The following CDKN2B variants were observed in gnomAD, a reference collection of about 807,000 sequenced individuals.
CDKN2B encodes the protein cyclin-dependent kinase 4 inhibitor B.
A neutral mutation model predicts 7.7 loss-of-function variants in CDKN2B; 8 were observed. That is an observed-to-expected ratio of 1.04 (90% CI 0.61 to 1.87). The LOEUF (loss-of-function observed/expected upper bound fraction) is 1.87, where lower values mean the gene tolerates loss of function less well. CDKN2B is among the 40% of genes most tolerant of loss of function. The probability of loss-of-function intolerance (pLI) is 0.00; values close to 1 mark genes in which losing one functional copy is unlikely to be tolerated. For missense variants in CDKN2B, 244 were observed against 213.1 expected (o/e 1.15, Z -0.90); for synonymous variants, 93 against 95.8 (o/e 0.97, Z 0.17).
rs1164173144 is a variant in CDKN2B at position 22,008,865 on chromosome 9, A to G, written c.89T>C (p.Val30Ala). Residue 30 changes from valine to alanine, a missense_variant, in exon 1 of 2, where the codon GTG becomes GCG. Transcript: ENST00000276925. Reference sequence around the variant, plus strand: ...CGCGCCGGCTTCCAGGAGCTGTCGCACCTTCTCCACTAGTCCCCGCGCCGC... The same window carrying G: ...CGCGCCGGCTTCCAGGAGCTGTCGCGCCTTCTCCACTAGTCCCCGCGCCGC... The part of the protein sequence containing the change: ...SAAARGLVEK[V>A]RQLLEAGADP... The G allele has an allele frequency of 6.2e-7, 1 of 1,611,920 alleles. No individual in the cohort carries two copies. The highest frequency in any genetic ancestry group is 2.2e-5 in the East Asian group (1 of 44,848).
rs148786939 is a variant in CDKN2B at position 22,004,285 on chromosome 9, T to C, written c.*1702A>G. 2.0e-4 allele frequency: 47 copies of C among 232,536 alleles called. 1 individual carries two copies. The East Asian group carries it at 2.9e-3, about 14-fold the overall frequency. 14.4% of individuals were successfully genotyped at this position (232,536 alleles called of 1,614,324 possible). ...GTATTCAACTCAAATGTACTCCTTCTTATAAGTCTCCACTCTCAAATGACT... is the reference window on the plus strand; with the variant it reads ...GTATTCAACTCAAATGTACTCCTTCCTATAAGTCTCCACTCTCAAATGACT... On this transcript the variant is annotated 3_prime_UTR_variant, in exon 2 of 2. Coordinates refer to ENST00000276925, the MANE Select transcript of CDKN2B (RefSeq NM_004936.4).
At chr9:22,008,664 G>T in intron 1 of CDKN2B, 134 bp downstream of exon 1, 1 of 1,605,906 alleles carries the variant, frequency 6.2e-7, no homozygotes, top group South Asian at 1.1e-5. Flanking sequence ...TTTTACGCGT[G>T]GAATGCACAC....
rs1471934314 is a variant in CDKN2B at position 22,004,948 on chromosome 9, C to T, written c.*1039G>A. ...CACTGAGTTTGCAACAGTGCCATTG[C>T]TACATTTAAGAGCTGTAGTTCTTCC... On this transcript the variant is annotated 3_prime_UTR_variant, in exon 2 of 2. Coordinates refer to ENST00000276925, the MANE Select transcript of CDKN2B (RefSeq NM_004936.4). 1.3e-5 allele frequency: 3 copies of T among 233,152 alleles called. No homozygotes were observed. The highest frequency in any genetic ancestry group is 1.2e-4 in the East Asian group (2 of 16,602). 14.4% of individuals were successfully genotyped at this position (233,152 alleles called of 1,614,324 possible).
chr9:22,007,034 A>T (rs1014795652), intron 1 of CDKN2B, among the ~76,000 whole-genome samples: 7 of 152,212 alleles, frequency 4.6e-5, no homozygotes, highest in Non-Finnish European at 1.0e-4. Flanking sequence ...GCTAAGATTT[A>T]AAAATGTTAA....
rs771112476 is a variant in CDKN2B, at chr9:22,008,977, G to A, written c.-24C>T. On this transcript the variant is annotated 5_prime_UTR_variant, in exon 1 of 2. Transcript: ENST00000276925. ...ATTCCGCAGCCCCCAGACGCGCAGCGGCCCGGATAATCCACCGTTGGCCGT... is the reference window on the plus strand; with the variant it reads ...ATTCCGCAGCCCCCAGACGCGCAGCAGCCCGGATAATCCACCGTTGGCCGT... 7 of 1,613,252 alleles carry A rather than the reference G, an allele frequency of 4.3e-6. No individual in the cohort carries two copies. Among genetic ancestry groups the A allele is most frequent in the Middle Eastern group, 3.3e-4 (2 of 6,044 alleles).
chr9:22,008,531 C>T (rs1821306647), intron 1 of CDKN2B: 1 of 809,002 alleles, frequency 1.2e-6, no homozygotes, highest in South Asian at 1.9e-5. Context: ...CTCCTTTTCT[C>T]CCCAATTCAG....
rs1335075466 is a variant in CDKN2B, at chr9:22,002,924, A to T, written c.*3063T>A. ...TGAATGTTATTAAATTTATAAATTTATTTAACTTTCCAGATCTTCTTGGAA... is the reference window on the plus strand; with the variant it reads ...TGAATGTTATTAAATTTATAAATTTTTTTAACTTTCCAGATCTTCTTGGAA... On this transcript the variant is annotated 3_prime_UTR_variant, in exon 2 of 2. Coordinates refer to ENST00000276925, the MANE Select transcript of CDKN2B (RefSeq NM_004936.4). 1.1e-5 allele frequency: 2 copies of T among 187,602 alleles called. No homozygotes were observed. The highest frequency in any genetic ancestry group is 2.2e-5 in the Non-Finnish European group (2 of 88,972). 11.6% of individuals were successfully genotyped at this position (187,602 alleles called of 1,614,324 possible).
chr9:22,005,167 T>A lies in CDKN2B; in HGVS notation c.*820A>T. 4.3e-6 allele frequency: 1 copy of A among 233,052 alleles called. No individual in the cohort carries two copies. Among genetic ancestry groups the A allele is most frequent in the Non-Finnish European group, 8.5e-6 (1 of 118,156 alleles). 14.4% of individuals were successfully genotyped at this position (233,052 alleles called of 1,614,324 possible). On this transcript the variant is annotated 3_prime_UTR_variant, in exon 2 of 2. Transcript: ENST00000276925. The surrounding 1 kb of genome is among the most constrained non-coding windows in gnomAD (Gnocchi z 4.9). ...GAAAGAAAACGTTACAGTTAACCGT[T>A]ACAATTGCTCTCACTCCACTCCACC... is the stretch of plus-strand genomic sequence containing the variant.
In CDKN2B at chr9:22,006,213, A is replaced by C. The variant is rs760928344; in HGVS notation, c.191T>G (p.Leu64Arg). Residue 64 changes from leucine to arginine, a missense_variant, in exon 2 of 2, where the codon CTG (leucine) becomes CGG (arginine). By Grantham distance (102) the Leu-to-Arg change is moderately radical. Transcript: ENST00000276925. This position sits in a 1 kb window ranked among gnomAD's most constrained non-coding sequence, Gnocchi z 6.4. ...GGGCTCCGCGCCGTGGAGCAGCAGC[A>C]GCTCCGCCACGCGGGCGCTGCCCAT... ...MMMGSARVAE[L>R]LLLHGAEPNC... 37 of 1,608,024 alleles carry C rather than the reference A, an allele frequency of 2.3e-5. No individual in the cohort carries two copies. The highest frequency in any genetic ancestry group is 3.0e-5 in the Non-Finnish European group (35 of 1,179,884).
At position 22,006,964 on chromosome 9, in the gene CDKN2B, A is replaced by G. The variant is rs542370388; in HGVS notation, c.157-717T>C. Among the ~76,000 whole-genome samples the G allele has an allele frequency of 1.3e-5, 2 of 152,288 alleles. No individual in the cohort carries two copies. Among genetic ancestry groups the G allele is most frequent in the East Asian group, 3.9e-4 (2 of 5,194 alleles). ...CAGTTCATCATTTTAAATTTAGACTATAATATTTTTAATGTAATATAAAAC... is the reference window on the plus strand; with the variant it reads ...CAGTTCATCATTTTAAATTTAGACTGTAATATTTTTAATGTAATATAAAAC... On this transcript the variant is annotated intron_variant, in intron 1 of 1. Transcript: ENST00000276925. This position sits in a 1 kb window ranked among gnomAD's most constrained non-coding sequence, Gnocchi z 6.4.
Position 22,006,560 on chromosome 9 carries a change from T to C in CDKN2B, c.157-313A>G, listed in dbSNP as rs1036997480. On this transcript the variant is annotated intron_variant, in intron 1 of 1. Coordinates refer to ENST00000276925, the MANE Select transcript of CDKN2B (RefSeq NM_004936.4). This position sits in a 1 kb window ranked among gnomAD's most constrained non-coding sequence, Gnocchi z 6.4. ...ACAAATCTTGATTTCCATTGGAACA[T>C]GGGAATCTATTTTGTTAAATGATTT... Among the ~76,000 whole-genome samples, 1 of 152,200 alleles carries C rather than the reference T, an allele frequency of 6.6e-6. No individual in the cohort carries two copies. The highest frequency in any genetic ancestry group is 2.4e-5 in the African/African-American group (1 of 41,440).
At chr9:22,008,710 C>A (rs1157846582) in intron 1 of CDKN2B, 88 bp downstream of exon 1, 1 of 1,611,538 alleles carries the variant, frequency 6.2e-7, no homozygotes. Flanking sequence ...AAATCTACAT[C>A]GGCGATCTAG....
Position 22,005,872 on chromosome 9 carries a change from C to T in CDKN2B, c.*115G>A. On this transcript the variant is annotated 3_prime_UTR_variant, in exon 2 of 2. Coordinates refer to ENST00000276925, the MANE Select transcript of CDKN2B (RefSeq NM_004936.4). The surrounding 1 kb of genome is among the most constrained non-coding windows in gnomAD (Gnocchi z 4.9). The stretch of plus-strand genomic sequence containing the variant: ...TTCCTGTGAGTCTCAGACAGGCTTG[C>T]AGGCTTACAGGCTTTCCGCCGCTCC... The T allele has an allele frequency of 7.2e-7, 1 of 1,385,524 alleles. No homozygotes were observed. Among genetic ancestry groups the T allele is most frequent in the Admixed American group, 2.0e-5 (1 of 50,850 alleles). The allele number at this position is 1,385,524 out of a possible 1,614,324, so 85.8% of individuals were successfully genotyped here. A position where few individuals can be genotyped will look rare whatever the true frequency, so the allele number is the denominator to read the frequency against.
chr9:22,006,357 T>G lies in CDKN2B; in HGVS notation c.157-110A>C. On this transcript the variant is annotated intron_variant, in intron 1 of 1. Coordinates refer to ENST00000276925, the MANE Select transcript of CDKN2B (RefSeq NM_004936.4). The surrounding 1 kb of genome is among the most constrained non-coding windows in gnomAD (Gnocchi z 6.4). ...AAAGAAACACCTAATTGCAAAGTTT[T>G]CACCCAGTGCAGAGGTGTTCAGGTC... 6.9e-7 allele frequency: 1 copy of G among 1,455,698 alleles called. No homozygotes were observed. Among genetic ancestry groups the G allele is most frequent in the South Asian group, 1.2e-5 (1 of 83,042 alleles). 90.2% of individuals were successfully genotyped at this position (1,455,698 alleles called of 1,614,324 possible). A position where few individuals can be genotyped will look rare whatever the true frequency, so the allele number is the denominator to read the frequency against.
Position 22,005,143 on chromosome 9 carries a change from A to G in CDKN2B, c.*844T>C, listed in dbSNP as rs183171776. The G allele has an allele frequency of 1.5e-5, 3 of 198,474 alleles. No individual in the cohort carries two copies. The highest frequency in any genetic ancestry group is 2.8e-5 in the Non-Finnish European group (3 of 106,132). The allele number at this position is 198,474 out of a possible 1,614,324, so 12.3% of individuals were successfully genotyped here. A position where few individuals can be genotyped will look rare whatever the true frequency, so the allele number is the denominator to read the frequency against. ...GTGTGTGTGTGTGTGTGTGTGTGTG[A>G]AAGAAAACGTTACAGTTAACCGTTA... is the stretch of plus-strand genomic sequence containing the variant. On this transcript the variant is annotated 3_prime_UTR_variant, in exon 2 of 2. Coordinates refer to ENST00000276925, the MANE Select transcript of CDKN2B (RefSeq NM_004936.4). This position sits in a 1 kb window ranked among gnomAD's most constrained non-coding sequence, Gnocchi z 4.9.
At chr9:22,007,138 T>C (rs1335998622) in intron 1 of CDKN2B, among the ~76,000 whole-genome samples, 4 of 152,166 alleles carry the variant, frequency 2.6e-5, no homozygotes, top group Non-Finnish European at 5.9e-5. Flanking sequence ...AGCAGGCAGA[T>C]CACCTGAGGT....
Position 22,004,178 on chromosome 9 carries a change from C to T in CDKN2B, c.*1809G>A, listed in dbSNP as rs918456465. On this transcript the variant is annotated 3_prime_UTR_variant, in exon 2 of 2. Coordinates refer to ENST00000276925, the MANE Select transcript of CDKN2B (RefSeq NM_004936.4). ...AATAAACATATCCTTTCCCCAATAA[C>T]ATATGCTCTGATTCTCAACTAACTT... is the stretch of plus-strand genomic sequence containing the variant. 5 of 232,302 alleles carry T rather than the reference C, an allele frequency of 2.2e-5. No individual in the cohort carries two copies. Among genetic ancestry groups the T allele is most frequent in the African/African-American group, 1.1e-4 (5 of 45,318 alleles). The allele number at this position is 232,302 out of a possible 1,614,324, so 14.4% of individuals were successfully genotyped here.
rs1821185217 is a variant in CDKN2B, at chr9:22,006,276, C to G, written c.157-29G>C. On this transcript the variant is annotated intron_variant, in intron 1 of 1. Coordinates refer to ENST00000276925, the MANE Select transcript of CDKN2B (RefSeq NM_004936.4). This position sits in a 1 kb window ranked among gnomAD's most constrained non-coding sequence, Gnocchi z 6.4. ...CCAGAGAGAGCAGAGTGGTCAGAGC[C>G]AGGGTGGGGGCAGGTATGGGAGATG... 1 of 1,600,340 alleles carries G rather than the reference C, an allele frequency of 6.2e-7. No homozygotes were observed. Among genetic ancestry groups the G allele is most frequent in the Admixed American group, 1.7e-5 (1 of 59,980 alleles).
chr9:22,005,946 TAAG>T lies in CDKN2B; in HGVS notation c.*38_*40del. 8 of 1,596,126 alleles carry T rather than the reference TAAG, an allele frequency of 5.0e-6. No homozygotes were observed. Among genetic ancestry groups the T allele is most frequent in the Non-Finnish European group, 6.8e-6 (8 of 1,178,846 alleles). On this transcript the variant is annotated 3_prime_UTR_variant, in exon 2 of 2. Coordinates refer to ENST00000276925, the MANE Select transcript of CDKN2B (RefSeq NM_004936.4). This position sits in a 1 kb window ranked among gnomAD's most constrained non-coding sequence, Gnocchi z 4.9. The stretch of plus-strand genomic sequence containing the variant: ...AGGTGGGTGGGGGTGGGAAATTGGG[TAAG>T]AAAATAAAGTCGTTGTGGGCGGCTG...
Sources: gnomAD v4.1 joint callset for allele counts (sites outside exome capture counted in the v4.1 genomes callset) on GRCh38, gnomAD v4.1.1 for gene constraint, Gnocchi (gnomAD v3.1) non-coding constraint, MANE v1.5 for transcripts, NCBI Gene and HGNC (gene_info 2026-07-23, HGNC 2026-07-21) for gene names.